The following HSH2D variants were observed in gnomAD, a reference collection of about 807,000 sequenced individuals.
HSH2D encodes hematopoietic SH2 domain containing.
HSH2D carries 16 observed loss-of-function variants against 21.5 expected under a neutral mutation model. The ratio of observed to expected loss-of-function variants is 0.74; its 90% confidence interval spans 0.50 to 1.13. The LOEUF (loss-of-function observed/expected upper bound fraction) is 1.13, where lower values mean the gene tolerates loss of function less well. Among genes scored for constraint, HSH2D ranks in the 50% most tolerant of loss-of-function variants. The pLI is 0.00. For synonymous variants in HSH2D, 172 were observed against 184.7 expected (o/e 0.93, Z 0.56); for missense variants, 418 against 441.4 (o/e 0.95, Z 0.47).
At chr19:16,144,090 G>C (rs567744775) in intron 1 of HSH2D, among the ~76,000 whole-genome samples, 4 of 152,042 alleles carry the variant, frequency 2.6e-5, no homozygotes, top group African/African-American at 4.8e-5. Flanking sequence ...CCAGGGTCAG[G>C]AGCTTGAATT....
rs2091104796 is a variant in HSH2D at position 16,148,728 on chromosome 19, C to T, written c.-23C>T. ...TTCCCTCCCTTCTCTACCCAGGTGA[C>T]CTTCCCTCCACCCCAGGAAGCTATG... On this transcript the variant is annotated 5_prime_UTR_variant, in exon 2 of 6. Transcript: ENST00000613986. 1 of 1,613,710 alleles carries T rather than the reference C, an allele frequency of 6.2e-7. No individual in the cohort carries two copies. The highest frequency in any genetic ancestry group is 1.7e-5 in the Admixed American group (1 of 59,988).
At chr19:16,140,184 T>A (rs760052394), upstream of HSH2D, among the ~76,000 whole-genome samples, 2 of 152,138 alleles carry the variant, frequency 1.3e-5, no homozygotes, top group Non-Finnish European at 2.9e-5. Flanking sequence ...ATGCCTGTAA[T>A]GCCAGCACTT....
chr19:16,146,269 G>A (rs1300741284), intron 1 of HSH2D, among the ~76,000 whole-genome samples: 1 of 152,164 alleles, frequency 6.6e-6, no homozygotes, highest in East Asian at 1.9e-4. Context: ...TCAAGAAAGT[G>A]TGTGAATTAA....
At chr19:16,148,457 T>A (rs909117181) in intron 1 of HSH2D, among the ~76,000 whole-genome samples, 4 of 152,036 alleles carry the variant, frequency 2.6e-5, no homozygotes, top group African/African-American at 9.7e-5. Context: ...CCAAATTTTT[T>A]AATTTTTTGT....
intron 2 of HSH2D, among the ~76,000 whole-genome samples, chr19:16,151,145 G>A (rs1311975400): frequency 6.6e-6 from 1 of 152,174 alleles, no homozygotes; most frequent in East Asian, 1.9e-4. Context: ...CAAACATGGT[G>A]AAACCCCGTC....
intron 1 of HSH2D, among the ~76,000 whole-genome samples, chr19:16,135,499 G>A (rs1224414906): frequency 3.3e-5 from 5 of 151,830 alleles, no homozygotes; most frequent in Non-Finnish European, 4.4e-5. Context: ...CTCACCGTGG[G>A]GCACAAGCCT....
rs1040674647 is a variant in HSH2D, at chr19:16,151,582, CTTCT to C, written c.126-967_126-964del. 2.3e-4 allele frequency: 103 copies of C among 455,754 alleles called. No homozygotes were observed. The Admixed American group carries it at 2.4e-3, about 10-fold the overall frequency. 28.2% of individuals were successfully genotyped at this position (455,754 alleles called of 1,614,324 possible). A position where few individuals can be genotyped will look rare whatever the true frequency, so the allele number is the denominator to read the frequency against. On this transcript the variant is annotated intron_variant, in intron 2 of 5. Coordinates refer to ENST00000613986, the MANE Select transcript of HSH2D (RefSeq NM_001382417.1). ...TCGAATGCATCTGAGCATACAGGTC[CTTCT>C]TTGTTACTTGTGACACCTTGATCCA...
intron 2 of HSH2D, 99 bp from the exon 3 acceptor site, chr19:16,152,453 T>C (rs2091171716): frequency 3.4e-6 from 2 of 593,218 alleles, no homozygotes; most frequent in Non-Finnish European, 5.3e-6. Flanking sequence ...AAATGAAAAC[T>C]ACCAGCCTTC....
chr19:16,157,478 G>A lies in HSH2D; in HGVS notation c.743G>A (p.Gly248Glu), dbSNP rs767564094. The change falls in exon 6 of 6, where the codon GGA becomes GAA. Residue 248 changes from glycine to glutamate, a missense_variant. Gly to Glu is a moderately conservative substitution (Grantham distance 98). Transcript: ENST00000613986. The surrounding 1 kb of genome is among the most constrained non-coding windows in gnomAD (Gnocchi z 4.4). ...ACGGTGATCTCAGGCCCTGGGACCG[G>A]AAAAGGCAGCCAAGATCACTCAGGG... ...RSTVISGPGT[G>E]KGSQDHSGDP... The A allele has an allele frequency of 6.2e-7, 1 of 1,613,920 alleles. No homozygotes were observed. The highest frequency in any genetic ancestry group is 8.5e-7 in the Non-Finnish European group (1 of 1,179,882).
intron 1 of HSH2D, among the ~76,000 whole-genome samples, chr19:16,147,195 G>A (rs2091083099): frequency 6.6e-6 from 1 of 151,908 alleles, no homozygotes; most frequent in South Asian, 2.1e-4. Flanking sequence ...TGCAATAATG[G>A]CATAAAAGGC....
intron 1 of HSH2D, among the ~76,000 whole-genome samples, chr19:16,146,147 C>G (rs1166728264): frequency 6.6e-6 from 1 of 151,910 alleles, no homozygotes; most frequent in African/African-American, 2.4e-5. Context: ...AAGATACAAT[C>G]CTTTGGCTTG....
At chr19:16,134,431 G>A (rs187707721) in intron 1 of HSH2D, among the ~76,000 whole-genome samples, 12 of 152,264 alleles carry the variant, frequency 7.9e-5, no homozygotes, top group East Asian at 3.9e-4. Context: ...TTTAATATCC[G>A]TAGGGAACTT....
upstream of HSH2D, among the ~76,000 whole-genome samples, chr19:16,141,668 A>C (rs2091000942): frequency 6.6e-6 from 1 of 152,202 alleles, no homozygotes; most frequent in Non-Finnish European, 1.5e-5. Flanking sequence ...CCACACCTGT[A>C]ATCCCAGCAC....
chr19:16,139,887 C>T (rs1023228558), upstream of HSH2D: 1 of 152,226 alleles, frequency 6.6e-6, no homozygotes, highest in Non-Finnish European at 1.5e-5. Context: ...GGACGCATGT[C>T]CGTTTGCGGG....
At position 16,137,280 on chromosome 19, in the gene HSH2D, C is replaced by A. The variant is rs570649957; in HGVS notation, c.-324+3045C>A. On this transcript the variant is annotated intron_variant, in intron 1 of 7. Coordinates refer to the HSH2D transcript ENST00000616645. ...GCACAGAGACAGAATAGGCTGATAT[C>A]AGCATCATCACTGTCCTCATCACTG... Among the ~76,000 whole-genome samples the A allele has an allele frequency of 1.0e-3, 156 of 152,220 alleles. No homozygotes were observed. In the Middle Eastern group the frequency reaches 0.014, roughly 13 times the overall value.
intron 1 of HSH2D, among the ~76,000 whole-genome samples, chr19:16,146,451 G>A (rs1204537177): frequency 6.6e-6 from 1 of 152,130 alleles, no homozygotes; most frequent in Non-Finnish European, 1.5e-5. Context: ...TGAGGTGTTA[G>A]GATTGCTTGA....
intron 1 of HSH2D, among the ~76,000 whole-genome samples, chr19:16,137,514 T>C: frequency 6.6e-6 from 1 of 150,754 alleles, no homozygotes. Context: ...GAGGCGGAGG[T>C]TGCAATGAAC....
At chr19:16,141,663 C>T (rs1160609706), upstream of HSH2D, among the ~76,000 whole-genome samples, 5 of 152,184 alleles carry the variant, frequency 3.3e-5, no homozygotes, top group Admixed American at 3.3e-4. Flanking sequence ...GCGGCCCACA[C>T]CTGTAATCCC....
At chr19:16,135,323 G>A (rs2090954939) in intron 1 of HSH2D, among the ~76,000 whole-genome samples, 1 of 151,968 alleles carries the variant, frequency 6.6e-6, no homozygotes, top group Non-Finnish European at 1.5e-5. Flanking sequence ...CAGCTACTCA[G>A]GAGGCTGAGG....
Sources: gnomAD v4.1 joint callset for allele counts (sites outside exome capture counted in the v4.1 genomes callset) on GRCh38, gnomAD v4.1.1 for gene constraint, Gnocchi (gnomAD v3.1) non-coding constraint, MANE v1.5 for transcripts, NCBI Gene and HGNC (gene_info 2026-07-23, HGNC 2026-07-21) for gene names.